The following UGT2A1 variants were observed in gnomAD, a reference collection of about 807,000 sequenced individuals.
UGT2A1 encodes UDP glucuronosyltransferase family 2 member A1 complex locus.
In UGT2A1, 61 loss-of-function variants were observed where a neutral mutation model predicts 45.4. That is an observed-to-expected ratio of 1.34 (90% confidence interval 1.09 to 1.66). UGT2A1 has a LOEUF of 1.66. UGT2A1 is among the 40% of genes most tolerant of loss of function. UGT2A1 has a pLI of 0.00. For missense variants in UGT2A1, 649 were observed against 574.3 expected (o/e 1.13, Z -1.33); for synonymous variants, 229 against 196.2 (o/e 1.17, Z -1.40).
At position 69,648,212 on chromosome 4, in the gene UGT2A1, T is replaced by A. The variant is rs1379968231; in HGVS notation, c.-54-514A>T. 6.7e-5 allele frequency among the ~76,000 whole-genome samples: 10 copies of A among 149,522 alleles called. No homozygotes were observed. In the Admixed American group the frequency reaches 6.7e-4, roughly 10 times the overall value. ...ATAAATATTTATAAATTCAAATATTTATAAATTCAAATAATACTTATAAAT... is the reference window on the plus strand; with the variant it reads ...ATAAATATTTATAAATTCAAATATTAATAAATTCAAATAATACTTATAAAT... On this transcript the variant is annotated intron_variant, in intron 1 of 6. Transcript: ENST00000286604.
chr4:69,643,716 C>T (rs543304818), intron 2 of UGT2A1, among the ~76,000 whole-genome samples: 144 of 151,744 alleles, frequency 9.5e-4, no homozygotes, highest in African/African-American at 3.3e-3. Flanking sequence ...CTTCTTATTG[C>T]ATTCCACTGC....
At chr4:69,618,151 G>C (rs1339252399) in intron 3 of UGT2A1, among the ~76,000 whole-genome samples, 52 of 151,140 alleles carry the variant, frequency 3.4e-4, no homozygotes, top group African/African-American at 1.3e-3. Context: ...AATTCTATGA[G>C]AAAATATTAT....
At position 69,605,262 on chromosome 4, in the gene UGT2A1, G is replaced by C. The variant is rs1399828807; in HGVS notation, c.848-5868C>G. 8.0e-5 allele frequency among the ~76,000 whole-genome samples: 11 copies of C among 136,882 alleles called. 2 individuals carry two copies. Among genetic ancestry groups the C allele is most frequent in the African/African-American group, 3.0e-4 (10 of 33,790 alleles). The allele number at this position is 136,882 out of a possible 152,430, so 89.8% of individuals were successfully genotyped here. On this transcript the variant is annotated intron_variant, in intron 3 of 6. Transcript: ENST00000286604. ...CAATCAAATTAGAACTCAGGATTAA[G>C]AAATTCACTCAAAACCGCTCAACTA...
chr4:69,631,435 A>C (rs112077704), intron 3 of UGT2A1, among the ~76,000 whole-genome samples: 4,521 of 152,238 alleles, frequency 0.03, 226 homozygotes, highest in African/African-American at 0.1. Context: ...CATCATCATA[A>C]ATTTTAAAAC....
Position 69,589,510 on chromosome 4 carries a change from G to A in UGT2A1, c.1446C>T (p.Thr482=). 1.2e-6 allele frequency: 2 copies of A among 1,614,124 alleles called. No homozygotes were observed. The highest frequency in any genetic ancestry group is 2.2e-5 in the South Asian group (2 of 91,082). The change falls in exon 7 of 7, where the codon ACC becomes ACT. Residue 482 remains threonine (T), a synonymous_variant. Coordinates refer to ENST00000286604, the MANE Select transcript of UGT2A1 (RefSeq NM_001252275.3). The stretch of plus-strand genomic sequence containing the variant: ...CATCCAAAGAGTGGTACTGGAACCA[G>A]GTGAGGTCATGGGCTGCAACCCGAA... ...KHLRVAAHDL[T]WFQYHSLDVI...
chr4:69,614,100 G>C (rs1720226611), intron 3 of UGT2A1, among the ~76,000 whole-genome samples: 1 of 112,848 alleles, frequency 8.9e-6, no homozygotes, highest in Non-Finnish European at 1.9e-5. Flanking sequence ...ACCAAAAACT[G>C]TTTTAAGCTG....
intron 1 of UGT2A1, 85 bp from the exon 2 acceptor site, chr4:69,647,783 A>T (rs1722350178): frequency 3.4e-6 from 2 of 584,174 alleles, no homozygotes; most frequent in South Asian, 5.2e-5. Flanking sequence ...CTTTCTAGAA[A>T]GTGATACTAG....
chr4:69,652,952 C>T (rs1294275780), intron 1 of UGT2A1, among the ~76,000 whole-genome samples: 1 of 152,174 alleles, frequency 6.6e-6, no homozygotes, highest in Non-Finnish European at 1.5e-5. Context: ...TCTCAACTTA[C>T]TGCTCTGTCC....
intron 3 of UGT2A1, among the ~76,000 whole-genome samples, chr4:69,623,037 G>C (rs1214705090): frequency 6.6e-6 from 1 of 151,740 alleles, no homozygotes; most frequent in East Asian, 1.9e-4. Flanking sequence ...ATACATGTCT[G>C]AATTAATTGA....
intron 3 of UGT2A1, among the ~76,000 whole-genome samples, chr4:69,605,785 C>G (rs1347398883): frequency 7.3e-6 from 1 of 136,822 alleles, no homozygotes; most frequent in Admixed American, 7.2e-5. Flanking sequence ...TCAGAGAATA[C>G]TATAAACACC....
chr4:69,608,736 C>G (rs1184379393), intron 3 of UGT2A1, among the ~76,000 whole-genome samples: 1 of 152,046 alleles, frequency 6.6e-6, no homozygotes, highest in Non-Finnish European at 1.5e-5. Flanking sequence ...ACTCTTGTTG[C>G]CCAGGCTGGA....
At chr4:69,609,887 A>T (rs1443958780) in intron 3 of UGT2A1, among the ~76,000 whole-genome samples, 2 of 152,184 alleles carry the variant, frequency 1.3e-5, no homozygotes, top group African/African-American at 2.4e-5. Context: ...GGGGAAAAAT[A>T]AAAAGGAAAT....
intron 3 of UGT2A1, among the ~76,000 whole-genome samples, chr4:69,631,603 C>T (rs1721390082): frequency 6.6e-6 from 1 of 152,090 alleles, no homozygotes; most frequent in Non-Finnish European, 1.5e-5. Context: ...GAAGCCATAA[C>T]TTCAATGTAG....
At chr4:69,620,298 A>T (rs1720671084) in intron 3 of UGT2A1, among the ~76,000 whole-genome samples, 1 of 151,812 alleles carries the variant, frequency 6.6e-6, no homozygotes, top group Admixed American at 6.6e-5. Flanking sequence ...CAGGAAAAAA[A>T]ATCTATCTAC....
rs912102309 is a variant in UGT2A1, at chr4:69,602,868, C to A, written c.848-3474G>T. On this transcript the variant is annotated intron_variant, in intron 3 of 6. Transcript: ENST00000286604. ...CTTATTAAGGGTCAGGAGTTCAAGA[C>A]CAGTGTGGCCAAGATGGTGAAACCC... Among the ~76,000 whole-genome samples, 25 of 134,906 alleles carry A rather than the reference C, an allele frequency of 1.9e-4. 5 individuals carry two copies. The highest frequency in any genetic ancestry group is 1.6e-3 in the Admixed American group (22 of 13,620). 88.5% of individuals were successfully genotyped at this position (134,906 alleles called of 152,430 possible). A position where few individuals can be genotyped will look rare whatever the true frequency, so the allele number is the denominator to read the frequency against.
intron 3 of UGT2A1, chr4:69,599,695 A>AAGGG (rs1719151187): frequency 5.0e-6 from 1 of 199,348 alleles, no homozygotes; most frequent in South Asian, 1.4e-4. Context: ...GAAATAAAGA[A>AAGGG]AGAGAGAGAG....
intron 2 of UGT2A1, among the ~76,000 whole-genome samples, chr4:69,636,523 C>A (rs1466568557): frequency 1.4e-5 from 2 of 142,824 alleles, no homozygotes; most frequent in Non-Finnish European, 1.6e-5. Context: ...AATTTCTGAA[C>A]CTAGATTATT....
intron 3 of UGT2A1, among the ~76,000 whole-genome samples, chr4:69,621,550 G>A (rs958440269): frequency 1.3e-5 from 2 of 151,762 alleles, no homozygotes; most frequent in African/African-American, 4.8e-5. Flanking sequence ...TAAATGGTTG[G>A]TAGAAGGGTA....
At chr4:69,639,003 A>T in intron 2 of UGT2A1, 1 of 1,613,314 alleles carries the variant, frequency 6.2e-7, no homozygotes, top group Non-Finnish European at 8.5e-7. Context: ...ACCAAAGGTC[A>T]TCTGGTCAGT....
Sources: allele counts gnomAD v4.1 joint callset (sites outside exome capture counted in the v4.1 genomes callset), GRCh38; gene constraint gnomAD v4.1.1; transcripts MANE v1.5; gene names NCBI Gene and HGNC (gene_info 2026-07-23, HGNC 2026-07-21).